MTURN: variants seen among roughly 807,000 people sequenced by gnomAD.
MTURN encodes maturin, neural progenitor differentiation regulator homolog, also known as maturin.
A neutral mutation model predicts 14.9 loss-of-function variants in MTURN; 7 were observed. That is an observed-to-expected ratio of 0.47 (90% CI 0.27 to 0.88). The LOEUF is 0.88. Ranked by LOEUF, MTURN falls within the 40% of genes least tolerant of loss-of-function variation. The pLI, the probability that MTURN is intolerant of heterozygous loss-of-function variation, is 0.14. For missense variants in MTURN, 151 were observed against 174.1 expected (o/e 0.87, Z 0.75); for synonymous variants, 69 against 72.5 (o/e 0.95, Z 0.25).
chr7:30,146,538 AG>A (rs1395063143), intron 2 of MTURN, among the ~76,000 whole-genome samples: 1 of 150,056 alleles, frequency 6.7e-6, no homozygotes, highest in African/African-American at 2.5e-5. Flanking sequence ...ACTTGAGTTG[AG>A]AATCCCTGAT....
At chr7:30,146,447 A>T in intron 2 of MTURN, 148 bp downstream of exon 2, 1 of 1,086,768 alleles carries the variant, frequency 9.2e-7, no homozygotes, top group Non-Finnish European at 1.3e-6. Flanking sequence ...AGCAGCCAGT[A>T]TAGGGAGGCC....
intron 1 of MTURN, among the ~76,000 whole-genome samples, chr7:30,135,854 A>C (rs1004841368): frequency 6.6e-6 from 1 of 152,202 alleles, no homozygotes; most frequent in East Asian, 1.9e-4. Context: ...TAGTCCTTGC[A>C]CTGCCTGTTT....
chr7:30,147,919 C>T (rs1183363372), intron 2 of MTURN, among the ~76,000 whole-genome samples: 1 of 152,212 alleles, frequency 6.6e-6, no homozygotes, highest in Non-Finnish European at 1.5e-5. Flanking sequence ...GTCCCACATT[C>T]ATTCATTCAA....
chr7:30,140,274 A>G (rs953796955), intron 1 of MTURN, among the ~76,000 whole-genome samples: 5 of 152,044 alleles, frequency 3.3e-5, no homozygotes, highest in Admixed American at 3.3e-4. Flanking sequence ...GGACTCTAAA[A>G]TTTTGTATAG....
intron 2 of MTURN, among the ~76,000 whole-genome samples, chr7:30,148,596 C>G (rs937107773): frequency 6.6e-6 from 1 of 152,192 alleles, no homozygotes; most frequent in African/African-American, 2.4e-5. Flanking sequence ...ACGGTCACGG[C>G]AGAGGCGGGG....
At chr7:30,145,895 G>A in intron 1 of MTURN, 1 of 1,551,712 alleles carries the variant, frequency 6.4e-7, no homozygotes, top group Non-Finnish European at 8.7e-7. Flanking sequence ...CATTGGTGAG[G>A]AATGGCCACC....
At chr7:30,144,928 C>CTTTTTTTTTTTT (rs11411711) in intron 1 of MTURN, among the ~76,000 whole-genome samples, 5 of 73,972 alleles carry the variant, frequency 6.8e-5, no homozygotes, top group Middle Eastern at 0.015. Context: ...GACCTCAATA[C>CTTTTTTTTTTTT]TTTTTTTTTT....
rs1334825363 is a variant in MTURN, at chr7:30,135,280, C to G, written c.144C>G (p.Asn48Lys). Residue 48 changes from asparagine to lysine, a missense_variant, in exon 1 of 3, where the codon AAC (asparagine) becomes AAG (lysine). By Grantham distance (94) the Asn-to-Lys change is moderately conservative. Transcript: ENST00000324453. ...GVSFYVLCPD[N>K]GCGDNFHVWS... The stretch of plus-strand genomic sequence containing the variant: ...CCTTCTATGTGCTGTGTCCGGACAA[C>G]GGCTGCGGCGACAATTTTGTGAGTG... The G allele has an allele frequency of 2.6e-6, 4 of 1,522,822 alleles. No individual in the cohort carries two copies. Among genetic ancestry groups the G allele is most frequent in the Non-Finnish European group, 3.5e-6 (4 of 1,134,348 alleles). The allele number at this position is 1,522,822 out of a possible 1,614,324, so 94.3% of individuals were successfully genotyped here.
At chr7:30,146,363 G>C (rs1003701603) in intron 2 of MTURN, 64 bp downstream of exon 2, 3 of 1,598,246 alleles carry the variant, frequency 1.9e-6, no homozygotes, top group African/African-American at 2.7e-5. Context: ...TAGAATAACA[G>C]GGGCGGTGGG....
intron 2 of MTURN, among the ~76,000 whole-genome samples, chr7:30,155,159 C>T (rs555323670): frequency 2.6e-5 from 4 of 152,280 alleles, no homozygotes; most frequent in South Asian, 2.1e-4. Context: ...GTGTTTTCCA[C>T]GGGGCCTCAG....
intron 1 of MTURN, 103 bp from the exon 2 acceptor site, chr7:30,146,074 A>G: frequency 2.5e-6 from 4 of 1,598,942 alleles, no homozygotes; most frequent in Non-Finnish European, 3.4e-6. Flanking sequence ...GCCTTCTTCA[A>G]ATTGATGTTA....
intron 2 of MTURN, among the ~76,000 whole-genome samples, chr7:30,150,544 C>A (rs188098243): frequency 1.3e-5 from 2 of 152,292 alleles, no homozygotes; most frequent in East Asian, 3.9e-4. Flanking sequence ...TTATTTTCTT[C>A]TTTTCCACAT....
rs1370262208 is a variant in MTURN at position 30,160,090 on chromosome 7, A to G, written c.*2542A>G. 1 of 152,362 alleles carries G rather than the reference A, an allele frequency of 6.6e-6. No homozygotes were observed. The highest frequency in any genetic ancestry group is 6.5e-5 in the Admixed American group (1 of 15,284). 9.4% of individuals were successfully genotyped at this position (152,362 alleles called of 1,614,324 possible). On this transcript the variant is annotated 3_prime_UTR_variant, in exon 3 of 3. Coordinates refer to ENST00000324453, the MANE Select transcript of MTURN (RefSeq NM_152793.3). ...GACAAGTCTAACTGGTCTGTGAACA[A>G]GGGGCATTTGCCCTTCCAGCTGTAA...
chr7:30,138,133 T>C (rs1796994176), intron 1 of MTURN, among the ~76,000 whole-genome samples: 1 of 152,184 alleles, frequency 6.6e-6, no homozygotes, highest in Non-Finnish European at 1.5e-5. Context: ...TTTTTCTTTT[T>C]TTGAGACAGT....
intron 2 of MTURN, among the ~76,000 whole-genome samples, chr7:30,152,331 T>A (rs905473469): frequency 6.6e-6 from 1 of 151,720 alleles, no homozygotes; most frequent in African/African-American, 2.4e-5. Flanking sequence ...CCACCAGGGG[T>A]TTCCCCATAC....
chr7:30,145,642 G>T (rs79489077), intron 1 of MTURN, among the ~76,000 whole-genome samples: 1 of 152,234 alleles, frequency 6.6e-6, no homozygotes, highest in African/African-American at 2.4e-5. Context: ...CAGTGACATA[G>T]TGGTGACTTG....
At chr7:30,142,558 C>G (rs2128030910) in intron 1 of MTURN, among the ~76,000 whole-genome samples, 1 of 152,350 alleles carries the variant, frequency 6.6e-6, no homozygotes, top group African/African-American at 2.4e-5. Context: ...AATACATATT[C>G]TCAGCTCACT....
chr7:30,146,009 C>G (rs1797123523), intron 1 of MTURN, 168 bp from the exon 2 acceptor site: 1 of 1,549,558 alleles, frequency 6.5e-7, no homozygotes, highest in Middle Eastern at 1.7e-4. Flanking sequence ...TTTTTTCTTC[C>G]CTTTCAACGC....
rs1456108498 is a variant in MTURN, at chr7:30,158,473, G to T, written c.*925G>T. On this transcript the variant is annotated 3_prime_UTR_variant, in exon 3 of 3. Transcript: ENST00000324453. ...AGGATTAAAAGTTTTTAAAAATATG[G>T]TAGAATCCTTCTTTACTTTTTAAGT... is the stretch of plus-strand genomic sequence containing the variant. The T allele has an allele frequency of 1.3e-5, 2 of 151,880 alleles. No homozygotes were observed. The highest frequency in any genetic ancestry group is 6.6e-5 in the Admixed American group (1 of 15,212). 9.4% of individuals were successfully genotyped at this position (151,880 alleles called of 1,614,324 possible).
Sources: allele counts gnomAD v4.1 joint callset (sites outside exome capture counted in the v4.1 genomes callset), GRCh38; gene constraint gnomAD v4.1.1; transcripts MANE v1.5; gene names NCBI Gene and HGNC (gene_info 2026-07-23, HGNC 2026-07-21).